The following USP40 variants were observed in gnomAD, a reference collection of about 807,000 sequenced individuals.
USP40 encodes the protein ubiquitin carboxyl-terminal hydrolase 40.
A neutral mutation model predicts 166.2 loss-of-function variants in USP40; 143 were observed. That is an observed-to-expected ratio of 0.86 (90% CI 0.75 to 0.99). USP40 has a LOEUF of 0.99. Among genes scored for constraint, USP40 ranks in the 50% least tolerant of loss-of-function variants. USP40 has a pLI of 0.00. For missense variants in USP40, 1,444 were observed against 1,479.7 expected (o/e 0.98, Z 0.40); for synonymous variants, 498 against 524.0 (o/e 0.95, Z 0.68).
At chr2:233,515,789 T>C (rs942647607) in intron 18 of USP40, among the ~76,000 whole-genome samples, 2 of 152,210 alleles carry the variant, frequency 1.3e-5, no homozygotes, top group African/African-American at 4.8e-5. Flanking sequence ...GATTTCCTCA[T>C]ATGTTTTCTC....
intron 31 of USP40, among the ~76,000 whole-genome samples, chr2:233,479,477 C>T (rs912097745): frequency 6.6e-5 from 10 of 151,394 alleles, no homozygotes; most frequent in African/African-American, 1.2e-4. Flanking sequence ...GCAGGAGAAT[C>T]GCTTGAACCC....
At chr2:233,499,846 T>G (rs757264675) in intron 22 of USP40, 33 bp downstream of exon 22, 2 of 1,595,194 alleles carry the variant, frequency 1.3e-6, no homozygotes, top group African/African-American at 2.7e-5. Flanking sequence ...TATTAGGCTT[T>G]TAAGTAATAT....
intron 8 of USP40, among the ~76,000 whole-genome samples, chr2:233,547,676 C>T (rs749295979): frequency 6.6e-6 from 1 of 152,196 alleles, no homozygotes; most frequent in Non-Finnish European, 1.5e-5. Context: ...CACCGGTTAG[C>T]ACTTTCCCTC....
Position 233,556,970 on chromosome 2 carries a change from G to A in USP40, c.431C>T (p.Ala144Val), listed in dbSNP as rs756501058. The A allele has an allele frequency of 1.9e-6, 3 of 1,613,890 alleles. No individual in the cohort carries two copies. Among genetic ancestry groups the A allele is most frequent in the South Asian group, 1.1e-5 (1 of 91,076 alleles). Residue 144 changes from alanine to valine, a missense_variant, in exon 5 of 32, where the codon GCT becomes GTT. Transcript: ENST00000678225. Reference sequence around the variant, plus strand: ...GGTCCCAACTAAAGAAGTTTCCAAAGCGCTGAAGAGGATTCGATTCAGTTC... The same window carrying A: ...GGTCCCAACTAAAGAAGTTTCCAAAACGCTGAAGAGGATTCGATTCAGTTC... ...VQELNRILFS[A>V]LETSLVGTSG...
At chr2:233,483,053 T>C (rs1016742504) in intron 30 of USP40, among the ~76,000 whole-genome samples, 2 of 152,254 alleles carry the variant, frequency 1.3e-5, no homozygotes, top group African/African-American at 4.8e-5. Flanking sequence ...AGAATAACCC[T>C]CTGCTGTGTT....
chr2:233,525,651 A>T, intron 13 of USP40, 89 bp from the exon 14 acceptor site: 1 of 919,678 alleles, frequency 1.1e-6, no homozygotes, highest in Non-Finnish European at 1.7e-6. Flanking sequence ...TCACATATGA[A>T]GATGACACAG....
intron 11 of USP40, among the ~76,000 whole-genome samples, chr2:233,530,721 TG>T (rs1326462655): frequency 1.3e-5 from 2 of 152,350 alleles, no homozygotes; most frequent in African/African-American, 4.8e-5. Flanking sequence ...GAAAATTTTT[TG>T]AAACACAGGA....
chr2:233,502,329 T>C (rs1316441387), intron 21 of USP40, among the ~76,000 whole-genome samples: 4 of 152,064 alleles, frequency 2.6e-5, no homozygotes, highest in Non-Finnish European at 5.9e-5. Flanking sequence ...CAATTACAGG[T>C]TGAGTATCCC....
chr2:233,546,131 GCA>G (rs1165104048), intron 8 of USP40: 1 of 152,240 alleles, frequency 6.6e-6, no homozygotes, highest in African/African-American at 2.4e-5. Flanking sequence ...GACAGGCAGT[GCA>G]GAGACTGAAG....
At chr2:233,528,886 A>G (rs1456397663) in intron 12 of USP40, among the ~76,000 whole-genome samples, 1 of 152,206 alleles carries the variant, frequency 6.6e-6, no homozygotes, top group Non-Finnish European at 1.5e-5. Context: ...GTGAGGCCCC[A>G]AAAGAGAATG....
At chr2:233,554,593 C>CAT in intron 5 of USP40, 67 bp from the exon 6 acceptor site, 2 of 1,279,942 alleles carry the variant, frequency 1.6e-6, no homozygotes, top group Non-Finnish European at 1.1e-6. Flanking sequence ...CATCAACTCA[C>CAT]ATATATATTG....
rs1489289544 is a variant in USP40 at position 233,510,601 on chromosome 2, A to T, written c.2527-466T>A. ...GTATTTTTAGTAGAGGCAGGGTTTC[A>T]CCATGTTGGCCAGGCTGGTGTTGAA... On this transcript the variant is annotated intron_variant, in intron 20 of 31. Transcript: ENST00000678225. Among the ~76,000 whole-genome samples, 7 of 151,318 alleles carry T rather than the reference A, an allele frequency of 4.6e-5. No individual in the cohort carries two copies. In the South Asian group the frequency reaches 1.5e-3, roughly 32 times the overall value.
intron 3 of USP40, chr2:233,561,036 G>T: frequency 8.3e-7 from 1 of 1,206,448 alleles, no homozygotes; most frequent in Non-Finnish European, 1.2e-6. Flanking sequence ...GTCACTTTCT[G>T]GAAATAAAGA....
intron 8 of USP40, among the ~76,000 whole-genome samples, chr2:233,543,916 C>T (rs771284445): frequency 6.6e-6 from 1 of 152,324 alleles, no homozygotes; most frequent in African/African-American, 2.4e-5. Context: ...AGGAGGGAGT[C>T]GAGGGACTGG....
At chr2:233,534,345 G>A (rs1186933029) in intron 10 of USP40, among the ~76,000 whole-genome samples, 2 of 152,080 alleles carry the variant, frequency 1.3e-5, no homozygotes, top group East Asian at 1.9e-4. Flanking sequence ...GGATTAAGAA[G>A]AAAAAAATTT....
chr2:233,548,982 C>A (rs1448610989), intron 8 of USP40, 119 bp downstream of exon 8: 41 of 877,524 alleles, frequency 4.7e-5, no homozygotes, highest in Admixed American at 3.4e-5. Flanking sequence ...ACTTTCAGTG[C>A]CTATCAAAGT....
chr2:233,536,773 G>GTTT (rs1373863033), intron 10 of USP40, among the ~76,000 whole-genome samples: 9 of 152,062 alleles, frequency 5.9e-5, no homozygotes, highest in Non-Finnish European at 1.2e-4. Flanking sequence ...AACCAACCAT[G>GTTT]AATCAAAAAC....
intron 3 of USP40, among the ~76,000 whole-genome samples, chr2:233,560,378 G>C (rs1267618611): frequency 6.6e-6 from 1 of 152,150 alleles, no homozygotes; most frequent in Non-Finnish European, 1.5e-5. Context: ...TGCCTTACTT[G>C]ATGTGGTGAG....
At chr2:233,495,626 C>T (rs1195488715) in intron 24 of USP40, among the ~76,000 whole-genome samples, 1 of 152,064 alleles carries the variant, frequency 6.6e-6, no homozygotes, top group African/African-American at 2.4e-5. Context: ...AAAGCTAGCA[C>T]ACTTCAGTGT....
Sources: gnomAD v4.1 joint callset for allele counts (sites outside exome capture counted in the v4.1 genomes callset) on GRCh38, gnomAD v4.1.1 for gene constraint, MANE v1.5 for transcripts, NCBI Gene and HGNC (gene_info 2026-07-23, HGNC 2026-07-21) for gene names.